ANTXR1: variants seen among roughly 807,000 people sequenced by gnomAD.
ANTXR1 encodes anthrax toxin receptor 1.
ANTXR1 carries 19 observed loss-of-function variants against 78.1 expected under a neutral mutation model. The observed-to-expected ratio is 0.24, with a 90% CI of 0.17 to 0.36. ANTXR1 has a LOEUF of 0.36. Among genes scored for constraint, ANTXR1 ranks in the 10% least tolerant of loss-of-function variants. ANTXR1 has a pLI of 1.00. For missense variants in ANTXR1, 518 were observed against 718.6 expected (o/e 0.72, Z 3.19); for synonymous variants, 273 against 260.5 (o/e 1.05, Z -0.46).
chr2:69,160,215 A>G (rs1673641706), intron 13 of ANTXR1, among the ~76,000 whole-genome samples: 1 of 152,148 alleles, frequency 6.6e-6, no homozygotes, highest in South Asian at 2.1e-4. Context: ...GAGGGCAGGT[A>G]CACCACACAC....
At chr2:69,117,910 A>G (rs1672203531) in intron 10 of ANTXR1, among the ~76,000 whole-genome samples, 1 of 152,130 alleles carries the variant, frequency 6.6e-6, no homozygotes, top group African/African-American at 2.4e-5. Flanking sequence ...AGCTTGAGGG[A>G]TGCCTAGCTC....
At chr2:69,090,730 C>T (rs755873695) in intron 8 of ANTXR1, 129 bp from the exon 9 acceptor site, 58 of 818,518 alleles carry the variant, frequency 7.1e-5, no homozygotes, top group Admixed American at 2.1e-4. Context: ...TTAGACTCCT[C>T]GCACCCCCAC....
At chr2:69,107,114 TC>T (rs34557549) in intron 10 of ANTXR1, among the ~76,000 whole-genome samples, 24 of 148,606 alleles carry the variant, frequency 1.6e-4, no homozygotes, top group African/African-American at 2.7e-4. Flanking sequence ...GGAAATTTCA[TC>T]CCCCCCCCGA....
chr2:69,152,382 T>G, intron 13 of ANTXR1, 118 bp downstream of exon 13: 1 of 961,028 alleles, frequency 1.0e-6, no homozygotes, highest in Non-Finnish European at 1.6e-6. Context: ...CTTGCATTTT[T>G]TATACAATTT....
intron 17 of ANTXR1, among the ~76,000 whole-genome samples, chr2:69,211,228 G>A (rs1453076959): frequency 6.6e-6 from 1 of 152,234 alleles, no homozygotes; most frequent in Non-Finnish European, 1.5e-5. Context: ...TCTCCAGCCA[G>A]TGAAAACATT....
intron 16 of ANTXR1, 94 bp downstream of exon 16, chr2:69,182,754 C>G: frequency 6.5e-7 from 1 of 1,526,742 alleles, no homozygotes; most frequent in South Asian, 1.1e-5. Context: ...AAATCCCAAC[C>G]TAAAACCCAG....
chr2:69,135,405 T>C (rs868295140), intron 12 of ANTXR1, among the ~76,000 whole-genome samples: 2 of 152,058 alleles, frequency 1.3e-5, no homozygotes, highest in African/African-American at 4.8e-5. Flanking sequence ...ACAAGCAAAA[T>C]AAATATAATG....
At chr2:69,132,278 A>C (rs184497896) in intron 12 of ANTXR1, among the ~76,000 whole-genome samples, 5 of 152,342 alleles carry the variant, frequency 3.3e-5, no homozygotes, top group Admixed American at 3.3e-4. Context: ...GCTGGAGCCC[A>C]GAGATAGAGG....
chr2:69,164,855 C>T (rs2104445469), intron 13 of ANTXR1, among the ~76,000 whole-genome samples: 1 of 152,308 alleles, frequency 6.6e-6, no homozygotes, highest in South Asian at 2.1e-4. Flanking sequence ...GGAGCGGGGA[C>T]ACCAAAATTT....
At chr2:69,141,285 G>A (rs1357620271) in intron 12 of ANTXR1, among the ~76,000 whole-genome samples, 3 of 152,206 alleles carry the variant, frequency 2.0e-5, no homozygotes, top group Non-Finnish European at 2.9e-5. Context: ...CTGGCCATGT[G>A]CCAGGATCTC....
At chr2:69,153,088 T>C (rs894806574) in intron 13 of ANTXR1, among the ~76,000 whole-genome samples, 2 of 152,146 alleles carry the variant, frequency 1.3e-5, no homozygotes, top group Admixed American at 1.3e-4. Context: ...AACAAATCAG[T>C]GTGTGCTGTG....
chr2:69,118,388 A>AC (rs1672224562), intron 10 of ANTXR1, among the ~76,000 whole-genome samples: 2 of 152,140 alleles, frequency 1.3e-5, no homozygotes, highest in African/African-American at 2.4e-5. Flanking sequence ...CCGTGATTGC[A>AC]CCACTGCACG....
chr2:69,098,723 C>G (rs1257410721), intron 9 of ANTXR1, among the ~76,000 whole-genome samples: 2 of 152,188 alleles, frequency 1.3e-5, no homozygotes, highest in African/African-American at 4.8e-5. Flanking sequence ...TGGTGGCTCA[C>G]ACCTGTAATC....
At chr2:69,090,526 A>G in intron 8 of ANTXR1, 2 of 376,166 alleles carry the variant, frequency 5.3e-6, no homozygotes, top group Middle Eastern at 8.4e-4. Context: ...GGCATTTATC[A>G]TTTCCAGAGT....
intron 14 of ANTXR1, chr2:69,172,496 C>T: frequency 6.8e-7 from 1 of 1,466,278 alleles, no homozygotes; most frequent in South Asian, 1.5e-5. Context: ...CAGTCTTTTC[C>T]TCTAGTTCCC....
chr2:69,134,933 ATT>A, intron 12 of ANTXR1: 1 of 308,242 alleles, frequency 3.2e-6, no homozygotes, highest in South Asian at 2.8e-5. Flanking sequence ...AACTCAAGGT[ATT>A]TTTTTTACAA....
At chr2:69,077,129 C>T (rs767567485) in intron 7 of ANTXR1, 15 of 511,516 alleles carry the variant, frequency 2.9e-5, no homozygotes, top group Middle Eastern at 1.1e-3. Context: ...CCAGGCCAAG[C>T]GTTCATCAAG....
intron 17 of ANTXR1, among the ~76,000 whole-genome samples, chr2:69,195,498 G>A (rs1205274425): frequency 3.3e-5 from 5 of 152,176 alleles, no homozygotes; most frequent in African/African-American, 1.2e-4. Flanking sequence ...TGACTAGGAT[G>A]GCAGGCAAGT....
At chr2:69,118,916 G>A (rs185548300) in intron 10 of ANTXR1, among the ~76,000 whole-genome samples, 49 of 152,206 alleles carry the variant, frequency 3.2e-4, no homozygotes, top group Admixed American at 2.6e-3. Flanking sequence ...CAATCCTCTC[G>A]GAGCAGAAAA....
Sources: allele counts gnomAD v4.1 joint callset (sites outside exome capture counted in the v4.1 genomes callset), GRCh38; gene constraint gnomAD v4.1.1; transcripts MANE v1.5; gene names NCBI Gene and HGNC (gene_info 2026-07-23, HGNC 2026-07-21).